Variants in TCF7L2 observed in about 807,000 individuals in gnomAD.
TCF7L2 encodes the protein transcription factor 7 like 2, also known as transcription factor 7-like 2.
Under a neutral mutation model 77.9 loss-of-function variants are expected in TCF7L2, and 23 were observed. The observed-to-expected ratio is 0.30, with a 90% confidence interval of 0.21 to 0.42. The LOEUF (loss-of-function observed/expected upper bound fraction) is 0.42, where lower values mean the gene tolerates loss of function less well. Among genes scored for constraint, TCF7L2 ranks in the 10% least tolerant of loss-of-function variants. TCF7L2 has a pLI of 1.00. For synonymous variants in TCF7L2, 413 were observed against 340.2 expected, an observed-to-expected ratio of 1.21 and a Z score of -2.36; for missense variants, 654 against 793.1, an observed-to-expected ratio of 0.82 and a Z score of 2.11.
chr10:113,007,846 A>T (rs2045828749), intron 4 of TCF7L2, among the ~76,000 whole-genome samples: 1 of 152,170 alleles, frequency 6.6e-6, no homozygotes, highest in South Asian at 2.1e-4. Flanking sequence ...CCTTGCCCCG[A>T]TTCCGGGACT....
rs138955687 is a variant in TCF7L2, at chr10:112,954,379, TAGAG to T, written c.381+2775_381+2778del. On this transcript the variant is annotated intron_variant, in intron 3 of 13. Transcript: ENST00000627217. ...TTTTTTATTTAAGAATGTAAAGAAT[TAGAG>T]AGTATCATTAAATCGGCTTATGATG... Among the ~76,000 whole-genome samples the T allele has an allele frequency of 6.7e-3, 1,026 of 152,330 alleles. 7 individuals are homozygous for T. Among genetic ancestry groups the T allele is most frequent in the South Asian group, 0.014 (68 of 4,826 alleles).
rs118097956 is a variant in TCF7L2 at position 112,952,963 on chromosome 10, C to T, written c.381+1356C>T. 2.0e-3 allele frequency among the ~76,000 whole-genome samples: 307 copies of T among 152,090 alleles called. 2 individuals carry two copies. The highest frequency in any genetic ancestry group is 2.2e-3 in the Non-Finnish European group (150 of 67,998). On this transcript the variant is annotated intron_variant, in intron 3 of 13. Transcript: ENST00000627217. Reference sequence around the variant, plus strand: ...GCTTCCCGGTATTGTCATTTTACACCTTCTCCAGTTTGGTCCCCTACCCCT... The same window carrying T: ...GCTTCCCGGTATTGTCATTTTACACTTTCTCCAGTTTGGTCCCCTACCCCT...
chr10:113,071,104 C>T (rs1282693002), intron 5 of TCF7L2, among the ~76,000 whole-genome samples: 2 of 152,186 alleles, frequency 1.3e-5, no homozygotes, highest in Non-Finnish European at 2.9e-5. Flanking sequence ...AATCTTAGCT[C>T]AGATGTCGCC....
chr10:113,089,645 C>G (rs2060169154), intron 5 of TCF7L2: 1 of 1,393,214 alleles, frequency 7.2e-7, no homozygotes. Context: ...CACTGCGATC[C>G]CTGAATTCTT....
chr10:113,162,893 C>T (rs1441463982), intron 13 of TCF7L2, among the ~76,000 whole-genome samples: 11 of 151,944 alleles, frequency 7.2e-5, no homozygotes, highest in African/African-American at 2.7e-4. Flanking sequence ...GAGATGAAGC[C>T]TAGGTTGGGG....
intron 5 of TCF7L2, among the ~76,000 whole-genome samples, chr10:113,082,547 T>A (rs977204367): frequency 1.3e-5 from 2 of 152,186 alleles, no homozygotes; most frequent in Non-Finnish European, 2.9e-5. Context: ...TAAAACACTT[T>A]TTCTTGGTCA....
intron 4 of TCF7L2, among the ~76,000 whole-genome samples, chr10:112,986,173 A>G (rs1400481033): frequency 6.6e-6 from 1 of 152,100 alleles, no homozygotes; most frequent in Non-Finnish European, 1.5e-5. Flanking sequence ...TTTATGGAGC[A>G]GGAGACAGAT....
chr10:113,104,167 G>A (rs1432852029), intron 5 of TCF7L2, among the ~76,000 whole-genome samples: 1 of 152,182 alleles, frequency 6.6e-6, no homozygotes, highest in Admixed American at 6.5e-5. Flanking sequence ...GCAAAGAGAT[G>A]ATTTCCTAAT....
At chr10:113,101,686 AC>A (rs2061651031) in intron 5 of TCF7L2, among the ~76,000 whole-genome samples, 1 of 150,996 alleles carries the variant, frequency 6.6e-6, no homozygotes, top group South Asian at 2.1e-4. Context: ...ACTAAAAAAT[AC>A]AAAAAATTAG....
At chr10:113,036,719 C>T (rs146806795) in intron 4 of TCF7L2, among the ~76,000 whole-genome samples, 11 of 151,308 alleles carry the variant, frequency 7.3e-5, no homozygotes, top group African/African-American at 1.7e-4. Flanking sequence ...AGCAGACTCC[C>T]GTCCAACAGT....
chr10:113,020,571 C>A (rs2048119060), intron 4 of TCF7L2, among the ~76,000 whole-genome samples: 1 of 152,148 alleles, frequency 6.6e-6, no homozygotes, highest in African/African-American at 2.4e-5. Flanking sequence ...TTCCTGGTTG[C>A]AAAGAGGCAG....
intron 5 of TCF7L2, among the ~76,000 whole-genome samples, chr10:113,062,762 C>G (rs1033036286): frequency 2.6e-5 from 4 of 152,150 alleles, no homozygotes; most frequent in Middle Eastern, 3.2e-3. Flanking sequence ...GGTCAGGGCT[C>G]TGTGGTCTAT....
At chr10:113,034,318 G>A (rs900566385) in intron 4 of TCF7L2, among the ~76,000 whole-genome samples, 5 of 152,158 alleles carry the variant, frequency 3.3e-5, no homozygotes, top group African/African-American at 4.8e-5. Context: ...GTAATGATAT[G>A]AGAATCATAA....
intron 5 of TCF7L2, among the ~76,000 whole-genome samples, chr10:113,114,750 C>T (rs554028147): frequency 1.3e-5 from 2 of 152,074 alleles, no homozygotes; most frequent in Non-Finnish European, 2.9e-5. Context: ...TCTCAAAAAG[C>T]GATTTCAAGG....
At chr10:113,007,750 T>C (rs2045811344) in intron 4 of TCF7L2, among the ~76,000 whole-genome samples, 2 of 152,156 alleles carry the variant, frequency 1.3e-5, no homozygotes, top group African/African-American at 4.8e-5. Context: ...AGAAGATGTT[T>C]GTAGGAGGGC....
intron 1 of TCF7L2, 44 bp downstream of exon 1, chr10:112,950,989 C>T (rs2030806987): frequency 1.3e-6 from 2 of 1,570,736 alleles, no homozygotes; most frequent in African/African-American, 2.8e-5. Flanking sequence ...TATCTGTTTC[C>T]TGGGCTTGGC....
chr10:112,996,269 C>T (rs180718588), intron 4 of TCF7L2, among the ~76,000 whole-genome samples: 82 of 152,108 alleles, frequency 5.4e-4, no homozygotes, highest in African/African-American at 1.7e-3. Flanking sequence ...TCGGATATGG[C>T]GACCGAAGTG....
chr10:113,100,692 G>T (rs1455255509), intron 5 of TCF7L2, among the ~76,000 whole-genome samples: 1 of 152,200 alleles, frequency 6.6e-6, no homozygotes, highest in African/African-American at 2.4e-5. Flanking sequence ...AGGTGGAAAG[G>T]GAAGGTGGAG....
intron 6 of TCF7L2, among the ~76,000 whole-genome samples, chr10:113,143,473 A>G (rs2068752819): frequency 6.6e-6 from 1 of 152,250 alleles, no homozygotes; most frequent in Non-Finnish European, 1.5e-5. Context: ...TTCAAATGCC[A>G]CAGCTCAAAA....
Sources: allele counts gnomAD v4.1 joint callset (sites outside exome capture counted in the v4.1 genomes callset), GRCh38; gene constraint gnomAD v4.1.1; transcripts MANE v1.5; gene names NCBI Gene and HGNC (gene_info 2026-07-23, HGNC 2026-07-21).